Variants in KRTCAP2 observed in about 807,000 individuals in gnomAD.
KRTCAP2 encodes the protein keratinocyte associated protein 2, also known as dolichyl-diphosphooligosaccharide--protein glycosyltransferase subunit KCP2.
In KRTCAP2, 10 loss-of-function variants were observed where a neutral mutation model predicts 16.5. The ratio of observed to expected loss-of-function variants is 0.60; its 90% CI spans 0.37 to 1.02. The LOEUF (loss-of-function observed/expected upper bound fraction) is 1.02, where lower values mean the gene tolerates loss of function less well. KRTCAP2 is among the 50% of genes least tolerant of loss of function. The pLI is 0.01. For missense variants in KRTCAP2, 152 were observed against 159.6 expected (o/e 0.95, Z 0.26); for synonymous variants, 68 against 69.8 (o/e 0.97, Z 0.13).
Position 155,169,418 on chromosome 1 carries a change from CAACTTTATTG to C in KRTCAP2, c.*12_*21del. ...CACAACTCACAGAGCTACAAAGAATCAACTTTATTGAACATTCAGGGTCAGTTTCTCTTCT... is the reference window on the plus strand; with the variant it reads ...CACAACTCACAGAGCTACAAAGAATCAACATTCAGGGTCAGTTTCTCTTCT... On this transcript the variant is annotated 3_prime_UTR_variant, in exon 5 of 5. Coordinates refer to ENST00000295682, the MANE Select transcript of KRTCAP2 (RefSeq NM_173852.4). 1 of 1,612,852 alleles carries C rather than the reference CAACTTTATTG, an allele frequency of 6.2e-7. No homozygotes were observed. The highest frequency in any genetic ancestry group is 8.5e-7 in the Non-Finnish European group (1 of 1,179,404).
Position 155,169,809 on chromosome 1 carries a change from C to T in KRTCAP2, c.272G>A (p.Arg91Gln), listed in dbSNP as rs372181365. 18 of 1,595,944 alleles carry T rather than the reference C, an allele frequency of 1.1e-5. No homozygotes were observed. Among genetic ancestry groups the T allele is most frequent in the East Asian group, 6.8e-5 (3 of 44,406 alleles). The stretch of plus-strand genomic sequence containing the variant: ...AACATACCAGGTGGTGACACAGACT[C>T]GGTGGATGAGGCCAGATGCAAAGAG... ...LALFASGLIH[R>Q]VCVTTCFIFS... is the part of the protein sequence containing the mutation. The change falls in exon 4 of 5, where the codon CGA (arginine) becomes CAA (glutamine). Residue 91 changes from arginine to glutamine, a missense_variant. Arg to Gln is a conservative substitution (Grantham distance 43). Transcript: ENST00000295682.
intron 3 of KRTCAP2, chr1:155,172,101 T>C: frequency 1.0e-6 from 1 of 1,000,350 alleles, no homozygotes; most frequent in Admixed American, 5.3e-5. Context: ...CTAACAGTTA[T>C]TCTGATTTGG....
intron 3 of KRTCAP2, chr1:155,171,489 G>A (rs1356864860): frequency 1.4e-5 from 14 of 984,810 alleles, no homozygotes; most frequent in East Asian, 1.1e-4. Context: ...GAGAAGTCCC[G>A]GGGCTACTGG....
At chr1:155,172,321 A>T in intron 3 of KRTCAP2, 1 of 1,365,900 alleles carries the variant, frequency 7.3e-7, no homozygotes, top group South Asian at 1.6e-5. Context: ...GTTCCCCTCA[A>T]ACCTTCCCTG....
At position 155,172,769 on chromosome 1, in the gene KRTCAP2, A is replaced by G. The variant is rs1405089805; in HGVS notation, c.128T>C (p.Leu43Pro). The change falls in exon 2 of 5, where the codon CTT (leucine) becomes CCT (proline). Residue 43 changes from leucine to proline, a missense_variant. Physicochemically the swap from Leu to Pro is moderately conservative, Grantham distance 98. Transcript: ENST00000295682. ...TEWLTIQGGL[L>P]GSGLFVFSLT... ...CGAGAACACGAAGAGACCCGAACCA[A>G]GCAGGCCGCCCTGGATGGTGAGCCA... 6.2e-7 allele frequency: 1 copy of G among 1,614,070 alleles called. No homozygotes were observed. The highest frequency in any genetic ancestry group is 1.3e-5 in the African/African-American group (1 of 74,916).
At chr1:155,171,462 A>C (rs1665241036) in intron 3 of KRTCAP2, 4 of 984,798 alleles carry the variant, frequency 4.1e-6, no homozygotes, top group African/African-American at 1.8e-5. Context: ...ATACATATGG[A>C]AACAAAACCT....
intron 1 of KRTCAP2, 127 bp downstream of exon 1, chr1:155,173,094 G>A (rs1449488487): frequency 2.0e-6 from 2 of 1,009,774 alleles, no homozygotes; most frequent in Non-Finnish European, 3.0e-6. Flanking sequence ...CCTCCCGTCC[G>A]GTGGAAATGC....
chr1:155,172,504 T>C (rs1219464570), intron 3 of KRTCAP2, 61 bp downstream of exon 3: 1 of 1,613,398 alleles, frequency 6.2e-7, no homozygotes. Flanking sequence ...AAATTCAATA[T>C]CATGTTTCAG....
Position 155,172,490 on chromosome 1 carries a change from C to G in KRTCAP2, c.223+75G>C, listed in dbSNP as rs953618968. ...CCTTAACAACCTTTCACCTAAGCAT[C>G]TGGAAATTCAATATCATGTTTCAGG... On this transcript the variant is annotated intron_variant, in intron 3 of 4. Coordinates refer to ENST00000295682, the MANE Select transcript of KRTCAP2 (RefSeq NM_173852.4). 45 of 1,612,258 alleles carry G rather than the reference C, an allele frequency of 2.8e-5. No individual in the cohort carries two copies. The African/African-American group carries it at 5.7e-4, about 21-fold the overall frequency.
Position 155,172,788 on chromosome 1 carries a change from T to C in KRTCAP2, c.109A>G (p.Thr37Ala). The change falls in exon 2 of 5, where the codon ACC (threonine) becomes GCC (alanine). Residue 37 changes from threonine (T) to alanine (A), a missense_variant. Physicochemically the swap from Thr to Ala is moderately conservative, Grantham distance 58. Transcript: ENST00000295682. ...SRQLASTEWL[T>A]IQGGLLGSGL... The stretch of plus-strand genomic sequence containing the variant: ...GAACCAAGCAGGCCGCCCTGGATGG[T>C]GAGCCACTCGGTGGAGGCCAGCTGA... 1.2e-6 allele frequency: 2 copies of C among 1,614,124 alleles called. No individual in the cohort carries two copies. The highest frequency in any genetic ancestry group is 1.7e-6 in the Non-Finnish European group (2 of 1,180,000).
chr1:155,172,931 G>A (rs1665316294), intron 1 of KRTCAP2, 39 bp from the exon 2 acceptor site: 2 of 1,605,246 alleles, frequency 1.2e-6, no homozygotes, highest in South Asian at 1.1e-5. Flanking sequence ...GTCAGGCTCC[G>A]CCCTCCCTCC....
intron 3 of KRTCAP2, chr1:155,170,554 A>G (rs1665209201): frequency 6.6e-6 from 1 of 152,308 alleles, no homozygotes; most frequent in Non-Finnish European, 1.5e-5. Flanking sequence ...ATGAGAGTCA[A>G]TTCATTAAGC....
rs1158853755 is a variant in KRTCAP2, at chr1:155,172,775, C to T, written c.122G>A (p.Gly41Asp). The T allele has an allele frequency of 1.8e-5, 29 of 1,614,112 alleles. No homozygotes were observed. Among genetic ancestry groups the T allele is most frequent in the Non-Finnish European group, 2.5e-5 (29 of 1,180,058 alleles). ...CACGAAGAGACCCGAACCAAGCAGG[C>T]CGCCCTGGATGGTGAGCCACTCGGT... ...ASTEWLTIQG[G>D]LLGSGLFVFS... Residue 41 changes from glycine (G) to aspartate (D), a missense_variant, in exon 2 of 5, where the codon GGC (glycine) becomes GAC (aspartate). By Grantham distance (94) the Gly-to-Asp change is moderately conservative. Transcript: ENST00000295682.
Position 155,173,225 on chromosome 1 carries a change from C to T in KRTCAP2, c.-1G>A, listed in dbSNP as rs767127109. On this transcript the variant is annotated 5_prime_UTR_variant, in exon 1 of 5. The change abolishes an upstream ATG in the 5' untranslated region. Coordinates refer to ENST00000295682, the MANE Select transcript of KRTCAP2 (RefSeq NM_173852.4). ...GGACCCCACCGGTCCTGTTACCCAT[C>T]ATGCCCCGCCCGTGAGTCCAACCGG... 2 of 1,613,568 alleles carry T rather than the reference C, an allele frequency of 1.2e-6. No homozygotes were observed. Among genetic ancestry groups the T allele is most frequent in the East Asian group, 2.2e-5 (1 of 44,900 alleles).
chr1:155,171,459 T>C, intron 3 of KRTCAP2: 1 of 980,694 alleles, frequency 1.0e-6, no homozygotes, highest in Non-Finnish European at 1.2e-6. Context: ...GTAATACATA[T>C]GGAAACAAAA....
chr1:155,172,787 G>A lies in KRTCAP2; in HGVS notation c.110C>T (p.Thr37Ile), dbSNP rs773202333. Residue 37 changes from threonine to isoleucine, a missense_variant, in exon 2 of 5, where the codon ACC (threonine) becomes ATC (isoleucine). Physicochemically the swap from Thr to Ile is moderately conservative, Grantham distance 89 (BLOSUM62 -1). Coordinates refer to ENST00000295682, the MANE Select transcript of KRTCAP2 (RefSeq NM_173852.4). ...SRQLASTEWL[T>I]IQGGLLGSGL... is the part of the protein sequence containing the mutation. ...CGAACCAAGCAGGCCGCCCTGGATGGTGAGCCACTCGGTGGAGGCCAGCTG... is the reference window on the plus strand; with the variant it reads ...CGAACCAAGCAGGCCGCCCTGGATGATGAGCCACTCGGTGGAGGCCAGCTG... 3.1e-6 allele frequency: 5 copies of A among 1,614,238 alleles called. No individual in the cohort carries two copies. The South Asian group carries it at 5.5e-5, about 18-fold the overall frequency.
At chr1:155,171,498 G>A in intron 3 of KRTCAP2, 6 of 985,128 alleles carry the variant, frequency 6.1e-6, no homozygotes, top group Non-Finnish European at 7.2e-6. Context: ...CGGGGCTACT[G>A]GATGGAAAGA....
intron 3 of KRTCAP2, chr1:155,171,456 A>G (rs544993576): frequency 3.0e-6 from 3 of 985,094 alleles, no homozygotes; most frequent in Admixed American, 1.2e-4. Context: ...AAGGTAATAC[A>G]TATGGAAACA....
At chr1:155,171,556 G>T (rs546436147) in intron 3 of KRTCAP2, 1 of 984,154 alleles carries the variant, frequency 1.0e-6, no homozygotes, top group Non-Finnish European at 1.2e-6. Context: ...AGTCCTAGAG[G>T]GGGGCAAAGA....
Sources: allele counts gnomAD v4.1 joint callset, GRCh38; gene constraint gnomAD v4.1.1; transcripts MANE v1.5; gene names NCBI Gene and HGNC (gene_info 2026-07-23, HGNC 2026-07-21).